The following DYNC1I1 variants were observed in gnomAD, a reference collection of about 807,000 sequenced individuals.
The protein encoded by DYNC1I1 is dynein cytoplasmic 1 intermediate chain 1.
In DYNC1I1, 43 loss-of-function variants were observed where a neutral mutation model predicts 86.6. That is an observed-to-expected ratio of 0.50 (90% confidence interval 0.39 to 0.64). The LOEUF (loss-of-function observed/expected upper bound fraction) is 0.64, where lower values mean the gene tolerates loss of function less well. DYNC1I1 is among the 30% of genes least tolerant of loss of function. DYNC1I1 has a pLI of 0.00. For missense variants in DYNC1I1, 604 were observed against 788.8 expected, an observed-to-expected ratio of 0.77 and a Z score of 2.81; for synonymous variants, 262 against 283.7, an observed-to-expected ratio of 0.92 and a Z score of 0.77.
chr7:95,967,255 C>G (rs1634033), intron 6 of DYNC1I1, among the ~76,000 whole-genome samples: 119,285 of 152,010 alleles, frequency 0.78, 46,948 homozygotes, highest in East Asian at 0.89. Context: ...ATTGGATGAA[C>G]AAAAGGTTGT....
At chr7:95,836,113 A>C (rs953552903) in intron 5 of DYNC1I1, among the ~76,000 whole-genome samples, 39 of 152,146 alleles carry the variant, frequency 2.6e-4, no homozygotes, top group Non-Finnish European at 5.0e-4. Flanking sequence ...GCTGGTACCA[A>C]TTGTTCCTTT....
At chr7:96,103,630 T>G (rs76962031) in intron 16 of DYNC1I1, among the ~76,000 whole-genome samples, 1 of 151,330 alleles carries the variant, frequency 6.6e-6, no homozygotes, top group Non-Finnish European at 1.5e-5. Context: ...TTTTTTTTTT[T>G]GAGACGGAGT....
At chr7:95,782,769 G>C (rs1396462156) in intron 1 of DYNC1I1, among the ~76,000 whole-genome samples, 1 of 152,152 alleles carries the variant, frequency 6.6e-6, no homozygotes, top group Non-Finnish European at 1.5e-5. Flanking sequence ...TGGTTTTATT[G>C]AGTGGTGGAG....
At chr7:96,107,354 G>A (rs1212081279) in intron 16 of DYNC1I1, among the ~76,000 whole-genome samples, 1 of 151,496 alleles carries the variant, frequency 6.6e-6, no homozygotes, top group Non-Finnish European at 1.5e-5. Flanking sequence ...ACGTTTTGAA[G>A]GTCTGTTACT....
At chr7:95,988,281 G>A (rs1161747989) in intron 9 of DYNC1I1, among the ~76,000 whole-genome samples, 2 of 152,150 alleles carry the variant, frequency 1.3e-5, no homozygotes, top group Non-Finnish European at 2.9e-5. Context: ...GGAGGCTGAG[G>A]CAGGAGAATT....
chr7:95,796,524 A>T, intron 1 of DYNC1I1, among the ~76,000 whole-genome samples: 1 of 151,924 alleles, frequency 6.6e-6, no homozygotes, highest in Non-Finnish European at 1.5e-5. Context: ...AGTTTTCTTT[A>T]TGCTGTATCT....
At chr7:95,888,064 C>T (rs1197845541) in intron 6 of DYNC1I1, among the ~76,000 whole-genome samples, 1 of 152,136 alleles carries the variant, frequency 6.6e-6, no homozygotes, top group Admixed American at 6.5e-5. Context: ...AGGTTGAATG[C>T]CTTCATGAAA....
chr7:95,985,477 T>G (rs553080794), intron 8 of DYNC1I1, among the ~76,000 whole-genome samples: 2 of 152,108 alleles, frequency 1.3e-5, no homozygotes, highest in African/African-American at 4.8e-5. Flanking sequence ...TATTAATATA[T>G]GTAAGAATAT....
At chr7:95,949,494 G>T (rs1405142905) in intron 6 of DYNC1I1, among the ~76,000 whole-genome samples, 1 of 152,206 alleles carries the variant, frequency 6.6e-6, no homozygotes, top group Non-Finnish European at 1.5e-5. Context: ...ATTAACTTAA[G>T]CCTGGCTCAC....
chr7:95,808,658 A>G (rs1794758385), intron 2 of DYNC1I1, among the ~76,000 whole-genome samples: 1 of 152,134 alleles, frequency 6.6e-6, no homozygotes, highest in Non-Finnish European at 1.5e-5. Context: ...CTGTCCTCAC[A>G]TGTTTCTCTA....
intron 10 of DYNC1I1, 34 bp downstream of exon 10, chr7:95,996,107 T>A (rs763106996): frequency 1.2e-6 from 2 of 1,613,600 alleles, no homozygotes; most frequent in Admixed American, 3.3e-5. Context: ...AACTTACATC[T>A]CCTGCTAGAC....
intron 3 of DYNC1I1, among the ~76,000 whole-genome samples, chr7:95,812,684 A>G (rs1046881008): frequency 6.6e-6 from 1 of 152,124 alleles, no homozygotes; most frequent in Non-Finnish European, 1.5e-5. Context: ...TTCAACATTT[A>G]CCCTTTCTCT....
chr7:95,908,473 G>C (rs1391543471), intron 6 of DYNC1I1, among the ~76,000 whole-genome samples: 1 of 152,138 alleles, frequency 6.6e-6, no homozygotes, highest in African/African-American at 2.4e-5. Flanking sequence ...CCAGAAAACA[G>C]TAATAATAAA....
chr7:95,983,577 C>G (rs529553095), intron 7 of DYNC1I1, among the ~76,000 whole-genome samples: 51 of 152,252 alleles, frequency 3.3e-4, no homozygotes, highest in Admixed American at 1.2e-3. Context: ...TGACTTGACT[C>G]TGTAGAAGGG....
intron 6 of DYNC1I1, among the ~76,000 whole-genome samples, chr7:95,895,884 AG>A (rs1394115533): frequency 2.6e-5 from 4 of 152,230 alleles, no homozygotes; most frequent in Non-Finnish European, 5.9e-5. Flanking sequence ...TAATTACCTT[AG>A]GGCTGAGTGA....
intron 14 of DYNC1I1, among the ~76,000 whole-genome samples, chr7:96,051,280 T>TCA (rs1334560029): frequency 6.6e-6 from 1 of 152,222 alleles, no homozygotes; most frequent in Non-Finnish European, 1.5e-5. Flanking sequence ...ATTTGCCAGG[T>TCA]CAGTCCCTTT....
chr7:95,925,686 A>T (rs1791727449), intron 6 of DYNC1I1, among the ~76,000 whole-genome samples: 1 of 152,210 alleles, frequency 6.6e-6, no homozygotes, highest in Non-Finnish European at 1.5e-5. Flanking sequence ...GCATTTTACA[A>T]AATAATCTGA....
chr7:95,851,389 A>G (rs1326418404), intron 5 of DYNC1I1, among the ~76,000 whole-genome samples: 1 of 152,242 alleles, frequency 6.6e-6, no homozygotes, highest in Non-Finnish European at 1.5e-5. Context: ...TATTCAGAAC[A>G]GGGTGCAATT....
At chr7:96,036,712 T>G (rs1313922684) in intron 13 of DYNC1I1, among the ~76,000 whole-genome samples, 1 of 152,148 alleles carries the variant, frequency 6.6e-6, no homozygotes, top group African/African-American at 2.4e-5. Flanking sequence ...AAAGCTTTCC[T>G]CCCAGTCAGA....
Sources: gnomAD v4.1 joint callset for allele counts (sites outside exome capture counted in the v4.1 genomes callset) on GRCh38, gnomAD v4.1.1 for gene constraint, MANE v1.5 for transcripts, NCBI Gene and HGNC (gene_info 2026-07-23, HGNC 2026-07-21) for gene names.